The following MEI4 variants were observed in gnomAD, a reference collection of about 807,000 sequenced individuals.
MEI4 encodes the protein meiotic double-stranded break formation protein 4, also known as meiosis-specific protein MEI4.
MEI4 carries 27 observed loss-of-function variants against 31.4 expected under a neutral mutation model. That is an observed-to-expected ratio of 0.86 (90% CI 0.63 to 1.19). MEI4 has a LOEUF of 1.19. Among genes scored for constraint, MEI4 ranks in the 50% most tolerant of loss-of-function variants. The pLI is 0.00. For synonymous variants in MEI4, 122 were observed against 145.4 expected (o/e 0.84, Z 1.16); for missense variants, 329 against 398.9 (o/e 0.82, Z 1.49).
chr6:77,767,372 C>CAATA (rs1242468151), intron 3 of MEI4, among the ~76,000 whole-genome samples: 1 of 151,138 alleles, frequency 6.6e-6, no homozygotes, highest in East Asian at 2.0e-4. Context: ...GAGACTCCCT[C>CAATA]AATAAATAAA....
At chr6:77,775,969 T>C (rs1275029607) in intron 3 of MEI4, among the ~76,000 whole-genome samples, 3 of 152,188 alleles carry the variant, frequency 2.0e-5, no homozygotes, top group Admixed American at 6.5e-5. Flanking sequence ...TTCATGTTTG[T>C]TGACCATTTG....
chr6:77,695,969 A>C (rs1209866978), intron 2 of MEI4, among the ~76,000 whole-genome samples: 1 of 152,102 alleles, frequency 6.6e-6, no homozygotes, highest in Non-Finnish European at 1.5e-5. Flanking sequence ...CTCCTTGAAG[A>C]GGTCCTTCAC....
At chr6:77,823,638 T>G (rs1769878832) in intron 3 of MEI4, among the ~76,000 whole-genome samples, 1 of 150,742 alleles carries the variant, frequency 6.6e-6, no homozygotes, top group African/African-American at 2.4e-5. Flanking sequence ...TTTTCCAAAC[T>G]TCCCACAAAT....
intron 3 of MEI4, among the ~76,000 whole-genome samples, chr6:77,782,452 A>C (rs1455431789): frequency 6.6e-6 from 1 of 152,176 alleles, no homozygotes; most frequent in Non-Finnish European, 1.5e-5. Context: ...ATTTTCATTT[A>C]CTCAGTTTTG....
At position 77,723,185 on chromosome 6, in the gene MEI4, G is replaced by T. The variant is rs1766752421; in HGVS notation, c.232+32282G>T. 1.4e-5 allele frequency among the ~76,000 whole-genome samples: 2 copies of T among 144,142 alleles called. 1 individual carries two copies. The highest frequency in any genetic ancestry group is 3.1e-5 in the Non-Finnish European group (2 of 65,224). 94.6% of individuals were successfully genotyped at this position (144,142 alleles called of 152,430 possible). ...ATTAGTCCTACAGTCCCCTCAGGCA[G>T]GGGGCCATATACCCCTGTAGGGATT... On this transcript the variant is annotated intron_variant, in intron 2 of 4. Transcript: ENST00000684080.
chr6:77,850,883 C>T (rs1196737286), intron 4 of MEI4, among the ~76,000 whole-genome samples: 3 of 151,992 alleles, frequency 2.0e-5, no homozygotes, highest in African/African-American at 7.3e-5. Context: ...CTGCAGTCTA[C>T]TCATCCGACA....
intron 2 of MEI4, among the ~76,000 whole-genome samples, chr6:77,693,352 C>A (rs1769195221): frequency 6.6e-6 from 1 of 151,944 alleles, no homozygotes; most frequent in Non-Finnish European, 1.5e-5. Context: ...CTATGACTAT[C>A]ATAAGCATCC....
chr6:77,673,987 T>G (rs1218078480), intron 1 of MEI4, among the ~76,000 whole-genome samples: 1 of 152,180 alleles, frequency 6.6e-6, no homozygotes, highest in East Asian at 1.9e-4. Context: ...GTGGAAGCAT[T>G]TAATGTTTGA....
intron 4 of MEI4, among the ~76,000 whole-genome samples, chr6:77,881,946 G>A (rs1771500234): frequency 6.6e-6 from 1 of 152,182 alleles, no homozygotes; most frequent in Non-Finnish European, 1.5e-5. Context: ...GTAACCACCT[G>A]GAATTAGTGC....
At chr6:77,904,115 T>C (rs2127736106) in intron 4 of MEI4, among the ~76,000 whole-genome samples, 1 of 152,222 alleles carries the variant, frequency 6.6e-6, no homozygotes, top group East Asian at 1.9e-4. Context: ...ATTTTGTACA[T>C]TTTTTTCCTT....
rs1769868487 is a variant in MEI4, at chr6:77,823,186, A to C, written c.769-5745A>C. Among the ~76,000 whole-genome samples the C allele has an allele frequency of 3.3e-5, 5 of 152,142 alleles. No homozygotes were observed. In the South Asian group the frequency reaches 1.0e-3, roughly 31 times the overall value. On this transcript the variant is annotated intron_variant, in intron 3 of 4. Coordinates refer to ENST00000684080, the MANE Select transcript of MEI4 (RefSeq NM_001322247.2). ...TTTTAAAACAACATTTTATGTAATTAATTACAGCAGAAACTTACTCTAAAC... is the reference window on the plus strand; with the variant it reads ...TTTTAAAACAACATTTTATGTAATTCATTACAGCAGAAACTTACTCTAAAC...
chr6:77,676,504 G>T (rs1768848528), intron 1 of MEI4, among the ~76,000 whole-genome samples: 1 of 151,996 alleles, frequency 6.6e-6, no homozygotes, highest in African/African-American at 2.4e-5. Flanking sequence ...TCCAGCCTGG[G>T]CAATGGAGCA....
At chr6:77,878,410 C>T (rs752607501) in intron 4 of MEI4, among the ~76,000 whole-genome samples, 55 of 151,988 alleles carry the variant, frequency 3.6e-4, no homozygotes, top group Non-Finnish European at 4.7e-4. Flanking sequence ...TAATAACAAA[C>T]GAGTTTTTAC....
chr6:77,767,083 TAAAC>T (rs564037520), intron 3 of MEI4, among the ~76,000 whole-genome samples: 10 of 152,126 alleles, frequency 6.6e-5, no homozygotes, highest in South Asian at 2.1e-4. Flanking sequence ...ATAGCTGTAT[TAAAC>T]AAACAAACAA....
chr6:77,674,254 T>C (rs1402995131), intron 1 of MEI4, among the ~76,000 whole-genome samples: 1 of 152,154 alleles, frequency 6.6e-6, no homozygotes, highest in African/African-American at 2.4e-5. Context: ...GATTATTCAA[T>C]TATTCTAAGG....
In MEI4 at chr6:77,923,646, G is replaced by C. The variant is rs1766767016; in HGVS notation, c.*300G>C. Reference sequence around the variant, plus strand: ...CTGTAAAATGGACCATTAATTGTCTGTCCCTTAAAAGATATTGAAGTTGTA... The same window carrying C: ...CTGTAAAATGGACCATTAATTGTCTCTCCCTTAAAAGATATTGAAGTTGTA... On this transcript the variant is annotated 3_prime_UTR_variant, in exon 5 of 5. Coordinates refer to ENST00000684080, the MANE Select transcript of MEI4 (RefSeq NM_001322247.2). The C allele has an allele frequency of 1.1e-5, 2 of 185,268 alleles. No individual in the cohort carries two copies. The highest frequency in any genetic ancestry group is 1.2e-4 in the Admixed American group (2 of 16,208). 11.5% of individuals were successfully genotyped at this position (185,268 alleles called of 1,614,324 possible).
intron 4 of MEI4, among the ~76,000 whole-genome samples, chr6:77,880,969 A>G (rs1362658553): frequency 4.6e-5 from 7 of 152,128 alleles, no homozygotes; most frequent in Non-Finnish European, 7.3e-5. Flanking sequence ...TCAGCCTGCA[A>G]TAATGATTAG....
chr6:77,882,253 G>A (rs1289801797), intron 4 of MEI4, among the ~76,000 whole-genome samples: 1 of 152,168 alleles, frequency 6.6e-6, no homozygotes, highest in African/African-American at 2.4e-5. Context: ...GTATCAGTGT[G>A]TTCACTAACC....
chr6:77,850,727 C>A (rs1770597155), intron 4 of MEI4, among the ~76,000 whole-genome samples: 1 of 152,132 alleles, frequency 6.6e-6, no homozygotes, highest in African/African-American at 2.4e-5. Flanking sequence ...TAGGCATGGG[C>A]AAGGACTTCA....
Sources: gnomAD v4.1 joint callset for allele counts (sites outside exome capture counted in the v4.1 genomes callset) on GRCh38, gnomAD v4.1.1 for gene constraint, MANE v1.5 for transcripts, NCBI Gene and HGNC (gene_info 2026-07-23, HGNC 2026-07-21) for gene names.